Variants in TBC1D32 observed in about 807,000 individuals in gnomAD.
TBC1D32 encodes the protein protein broad-minded.
A neutral mutation model predicts 170.3 loss-of-function variants in TBC1D32; 151 were observed. That is an observed-to-expected ratio of 0.89 (90% CI 0.78 to 1.01). The LOEUF is 1.01. Among genes scored for constraint, TBC1D32 ranks in the 50% least tolerant of loss-of-function variants. TBC1D32 has a pLI of 0.00. For synonymous variants in TBC1D32, 498 were observed against 488.0 expected (o/e 1.02, Z -0.27); for missense variants, 1,464 against 1,457.1 (o/e 1.00, Z -0.08).
intron 29 of TBC1D32, among the ~76,000 whole-genome samples, chr6:121,110,550 A>C (rs959004012): frequency 1.3e-5 from 2 of 152,086 alleles, no homozygotes; most frequent in African/African-American, 4.8e-5. Flanking sequence ...GAGCTAAAGA[A>C]GGTAGACAAG....
chr6:121,121,684 T>C (rs926947595), intron 26 of TBC1D32, among the ~76,000 whole-genome samples: 1 of 152,068 alleles, frequency 6.6e-6, no homozygotes, highest in African/African-American at 2.4e-5. Context: ...AGACACTAAT[T>C]GACACATTTT....
chr6:121,287,175 G>A (rs1803996485), intron 12 of TBC1D32, among the ~76,000 whole-genome samples: 1 of 152,206 alleles, frequency 6.6e-6, no homozygotes, highest in South Asian at 2.1e-4. Context: ...ATGTAAATGG[G>A]CTAAATGCTC....
intron 25 of TBC1D32, among the ~76,000 whole-genome samples, chr6:121,127,326 T>C (rs1044227052): frequency 6.6e-6 from 1 of 152,176 alleles, no homozygotes; most frequent in Non-Finnish European, 1.5e-5. Flanking sequence ...GAATAACATA[T>C]GCTTTTCAGC....
intron 9 of TBC1D32, among the ~76,000 whole-genome samples, chr6:121,302,687 C>CA (rs1422943210): frequency 6.6e-6 from 1 of 151,862 alleles, no homozygotes; most frequent in Non-Finnish European, 1.5e-5. Flanking sequence ...CATATTTTCT[C>CA]AAATAATGAT....
intron 15 of TBC1D32, among the ~76,000 whole-genome samples, chr6:121,259,798 A>G (rs1799529551): frequency 6.6e-6 from 1 of 152,198 alleles, no homozygotes; most frequent in South Asian, 2.1e-4. Flanking sequence ...TTGGGGGGTA[A>G]AAGTGAAATT....
rs560117756 is a variant in TBC1D32, at chr6:121,109,030, C to G, written c.3325-2867G>C. 5.5e-4 allele frequency among the ~76,000 whole-genome samples: 83 copies of G among 152,118 alleles called. 1 individual carries two copies. Among genetic ancestry groups the G allele is most frequent in the Middle Eastern group, 3.4e-3 (1 of 294 alleles). On this transcript the variant is annotated intron_variant, in intron 29 of 31. Transcript: ENST00000398212. ...GAAAAAAATGGGAAAACTGAATCGG[C>G]AAATATGATTAAGACTTATAGTCAC...
chr6:121,331,191 T>C (rs1257385042), intron 1 of TBC1D32, among the ~76,000 whole-genome samples: 1 of 149,098 alleles, frequency 6.7e-6, no homozygotes, highest in East Asian at 1.9e-4. Context: ...ATAAGTCTTT[T>C]TGGTTTTTTG....
chr6:121,182,094 G>C (rs1427454612), intron 22 of TBC1D32, among the ~76,000 whole-genome samples: 2 of 151,954 alleles, frequency 1.3e-5, no homozygotes, highest in African/African-American at 2.4e-5. Flanking sequence ...ATATGACTAG[G>C]TAGTAAAATA....
At chr6:121,304,251 C>G (rs1806970787) in intron 8 of TBC1D32, 114 bp downstream of exon 8, 2 of 856,366 alleles carry the variant, frequency 2.3e-6, no homozygotes. Context: ...TTTTATTAAT[C>G]CCTTCCCAAT....
intron 1 of TBC1D32, among the ~76,000 whole-genome samples, chr6:121,327,718 TG>T (rs1810638134): frequency 6.6e-6 from 1 of 152,218 alleles, no homozygotes; most frequent in Non-Finnish European, 1.5e-5. Context: ...AATATGAGCC[TG>T]GTGTTAACCT....
intron 14 of TBC1D32, among the ~76,000 whole-genome samples, chr6:121,280,285 G>GT (rs1361237128): frequency 5.3e-5 from 8 of 151,172 alleles, no homozygotes; most frequent in Non-Finnish European, 8.9e-5. Flanking sequence ...AATATTTTTT[G>GT]TTTAAAGGTC....
In TBC1D32 at chr6:121,110,279, T is replaced by TAA. The variant is rs1261865683; in HGVS notation, c.3324+2224_3324+2225dup. On this transcript the variant is annotated intron_variant, in intron 29 of 31. Coordinates refer to ENST00000398212, the MANE Select transcript of TBC1D32 (RefSeq NM_152730.6). ...AAAAAAAAAATTTTATATATATATATAAAAATATATAAATTTACACACTCA... is the reference window on the plus strand; with the variant it reads ...AAAAAAAAAATTTTATATATATATATAAAAAAATATATAAATTTACACACTCA... Among the ~76,000 whole-genome samples the TAA allele has an allele frequency of 2.0e-5, 3 of 149,202 alleles. No homozygotes were observed. The East Asian group carries it at 5.9e-4, about 29-fold the overall frequency.
chr6:121,268,711 C>T (rs1027175962), intron 15 of TBC1D32, among the ~76,000 whole-genome samples: 17 of 152,100 alleles, frequency 1.1e-4, no homozygotes, highest in Admixed American at 9.2e-4. Flanking sequence ...AGGAGAACTT[C>T]CCCAACCTAG....
At chr6:121,168,712 T>TAAAA (rs59283869) in intron 22 of TBC1D32, among the ~76,000 whole-genome samples, 16,033 of 93,256 alleles carry the variant, frequency 0.17, 1,750 homozygotes, top group East Asian at 0.34. Context: ...TAGAGTATAA[T>TAAAA]AAAAAAAAAA....
intron 21 of TBC1D32, among the ~76,000 whole-genome samples, chr6:121,206,829 T>C (rs959238503): frequency 6.6e-5 from 10 of 152,194 alleles, no homozygotes; most frequent in African/African-American, 1.9e-4. Flanking sequence ...AACATTACAA[T>C]AGAATGTGAG....
intron 3 of TBC1D32, among the ~76,000 whole-genome samples, chr6:121,311,557 G>A (rs60013326): frequency 6.6e-6 from 1 of 151,876 alleles, no homozygotes; most frequent in Non-Finnish European, 1.5e-5. Context: ...GTGAAACCCT[G>A]TCTCTACTAA....
chr6:121,210,522 C>T (rs1487517969), intron 21 of TBC1D32, among the ~76,000 whole-genome samples: 1 of 152,172 alleles, frequency 6.6e-6, no homozygotes, highest in Non-Finnish European at 1.5e-5. Flanking sequence ...AGTAATCATG[C>T]TTCTAGAAAT....
chr6:121,140,660 G>A (rs1049881047), intron 24 of TBC1D32, among the ~76,000 whole-genome samples: 3 of 151,894 alleles, frequency 2.0e-5, no homozygotes, highest in South Asian at 2.1e-4. Flanking sequence ...TGAAGTAATC[G>A]CAGACTAAAA....
At chr6:121,303,402 A>C (rs1806772434) in intron 9 of TBC1D32, among the ~76,000 whole-genome samples, 1 of 152,138 alleles carries the variant, frequency 6.6e-6, no homozygotes. Flanking sequence ...TAGGTGAAAA[A>C]TCTTGGGCAA....
Sources: gnomAD v4.1 joint callset for allele counts (sites outside exome capture counted in the v4.1 genomes callset) on GRCh38, gnomAD v4.1.1 for gene constraint, MANE v1.5 for transcripts, NCBI Gene and HGNC (gene_info 2026-07-23, HGNC 2026-07-21) for gene names.